Variants in CXCL13 observed in about 807,000 individuals in gnomAD.
CXCL13 encodes the protein C-X-C motif chemokine ligand 13, also known as C-X-C motif chemokine 13.
In CXCL13, 7 loss-of-function variants were observed where a neutral mutation model predicts 12.2. The ratio of observed to expected loss-of-function variants is 0.57; its 90% CI spans 0.33 to 1.07. The LOEUF is 1.07. CXCL13 is among the 50% of genes least tolerant of loss of function. CXCL13 has a pLI of 0.04. For synonymous variants in CXCL13, 47 were observed against 42.4 expected (o/e 1.11, Z -0.42); for missense variants, 113 against 127.4 (o/e 0.89, Z 0.55).
rs1425640637 is a variant in CXCL13 at position 77,562,197 on chromosome 4, C to A, written c.-42-43627C>A. ...CCACCCCCCCATCACTGCAGCCCCCCGCCCCGCCTACAGCCACCCCAACCC... is the reference window on the plus strand; with the variant it reads ...CCACCCCCCCATCACTGCAGCCCCCAGCCCCGCCTACAGCCACCCCAACCC... On this transcript the variant is annotated intron_variant, in intron 1 of 4. Transcript: ENST00000286758. Among the ~76,000 whole-genome samples the A allele has an allele frequency of 1.6e-4, 23 of 146,204 alleles. No individual in the cohort carries two copies. In the East Asian group the frequency reaches 4.5e-3, roughly 28 times the overall value.
chr4:77,527,353 C>G (rs969978940), intron 1 of CXCL13, among the ~76,000 whole-genome samples: 2 of 152,150 alleles, frequency 1.3e-5, no homozygotes, highest in Admixed American at 1.3e-4. Context: ...AAACATGCAA[C>G]TGGGCACAGT....
intron 1 of CXCL13, among the ~76,000 whole-genome samples, chr4:77,598,039 A>G (rs981611345): frequency 6.6e-6 from 1 of 152,238 alleles, no homozygotes; most frequent in Non-Finnish European, 1.5e-5. Context: ...AAAGGGAACC[A>G]TTGAGTCAGC....
chr4:77,610,809 G>A (rs1727127953), intron 3 of CXCL13, 115 bp downstream of exon 3: 2 of 960,778 alleles, frequency 2.1e-6, no homozygotes, highest in African/African-American at 1.6e-5. Flanking sequence ...TAAGACAAAT[G>A]TGTGTTTTTC....
At chr4:77,513,681 T>G (rs1724328927) in intron 1 of CXCL13, among the ~76,000 whole-genome samples, 1 of 152,122 alleles carries the variant, frequency 6.6e-6, no homozygotes, top group Admixed American at 6.5e-5. Context: ...CTCCATCTCC[T>G]GACCTTGTGA....
intron 1 of CXCL13, among the ~76,000 whole-genome samples, chr4:77,572,003 C>T (rs2109819381): frequency 6.6e-6 from 1 of 151,906 alleles, no homozygotes; most frequent in South Asian, 2.1e-4. Flanking sequence ...ACGAACCCAC[C>T]AGAAGAAAGA....
Position 77,610,612 on chromosome 4 carries a change from A to G in CXCL13, c.198-2A>G. On this transcript the variant is annotated splice_acceptor_variant, in intron 2 of 3. Transcript: ENST00000682537. LOFTEE classifies it high-confidence loss of function. ...AATTATTTAATTTTTATTTTCCCCC[A>G]GAGTCTGGAAGAAGAACAAGTCAAT... is the stretch of plus-strand genomic sequence containing the variant. The G allele has an allele frequency of 1.2e-6, 2 of 1,605,326 alleles. No individual in the cohort carries two copies. The highest frequency in any genetic ancestry group is 1.7e-6 in the Non-Finnish European group (2 of 1,172,042).
intron 1 of CXCL13, among the ~76,000 whole-genome samples, chr4:77,522,299 T>C (rs948648291): frequency 6.6e-6 from 1 of 152,002 alleles, no homozygotes; most frequent in African/African-American, 2.4e-5. Context: ...AAGTCTTCCA[T>C]CATTATTTTG....
intron 1 of CXCL13, among the ~76,000 whole-genome samples, chr4:77,554,210 G>A (rs916865295): frequency 2.6e-5 from 4 of 151,998 alleles, no homozygotes; most frequent in Non-Finnish European, 4.4e-5. Context: ...GCCAATGCAT[G>A]AGTAGTGAGA....
chr4:77,513,034 T>G (rs1400869407), intron 1 of CXCL13, among the ~76,000 whole-genome samples: 1 of 152,108 alleles, frequency 6.6e-6, no homozygotes, highest in East Asian at 1.9e-4. Context: ...TGGTGTTTGG[T>G]TTTCTGTCCT....
rs182907727 is a variant in CXCL13 at position 77,573,998 on chromosome 4, T to C, written c.-42-31826T>C. ...GGCTTATTGGCTTCAATTAGAAAAATATCTTTGAGGAAAACAAAGGGCTTG... is the reference window on the plus strand; with the variant it reads ...GGCTTATTGGCTTCAATTAGAAAAACATCTTTGAGGAAAACAAAGGGCTTG... On this transcript the variant is annotated intron_variant, in intron 1 of 4. Coordinates refer to the CXCL13 transcript ENST00000286758. Among the ~76,000 whole-genome samples, 372 of 152,002 alleles carry C rather than the reference T, an allele frequency of 2.4e-3. 12 individuals carry two copies. Among genetic ancestry groups the C allele is most frequent in the African/African-American group, 8.3e-3 (342 of 41,302 alleles).
At position 77,559,588 on chromosome 4, in the gene CXCL13, G is replaced by T. The variant is rs13147059; in HGVS notation, c.-42-46236G>T. On this transcript the variant is annotated intron_variant, in intron 1 of 4. Transcript: ENST00000286758. ...TTTCTTCCATTCAAGGACTAAATATGCCGTGTGTGTGTGTGTGTGTGTGAT... is the reference window on the plus strand; with the variant it reads ...TTTCTTCCATTCAAGGACTAAATATTCCGTGTGTGTGTGTGTGTGTGTGAT... Among the ~76,000 whole-genome samples the T allele has an allele frequency of 2.3e-4, 34 of 148,416 alleles. 1 individual carries two copies. The South Asian group carries it at 6.5e-3, about 28-fold the overall frequency.
chr4:77,518,006 G>A (rs1162127031), intron 1 of CXCL13, among the ~76,000 whole-genome samples: 4 of 151,104 alleles, frequency 2.6e-5, no homozygotes, highest in Non-Finnish European at 5.9e-5. Context: ...AGGCCTGGTG[G>A]TGACATTTGC....
At chr4:77,574,820 A>C (rs1726168106) in intron 1 of CXCL13, among the ~76,000 whole-genome samples, 2 of 151,950 alleles carry the variant, frequency 1.3e-5, no homozygotes, top group African/African-American at 4.9e-5. Flanking sequence ...AAGAAGAATA[A>C]GTGCTTGGAT....
chr4:77,599,188 C>G (rs1726837890), intron 1 of CXCL13, among the ~76,000 whole-genome samples: 1 of 152,156 alleles, frequency 6.6e-6, no homozygotes. Context: ...TTAACAATAT[C>G]TAGGTACTGC....
intron 1 of CXCL13, among the ~76,000 whole-genome samples, chr4:77,571,704 A>C (rs950053919): frequency 1.3e-5 from 2 of 151,798 alleles, no homozygotes; most frequent in East Asian, 3.8e-4. Context: ...CAGATAAGAG[A>C]ATAAAAGCAG....
At chr4:77,583,477 T>A (rs531088739) in intron 1 of CXCL13, among the ~76,000 whole-genome samples, 1 of 152,322 alleles carries the variant, frequency 6.6e-6, no homozygotes, top group Admixed American at 6.5e-5. Context: ...GAGTAAGGGT[T>A]GGAGAACAAT....
chr4:77,540,125 A>G (rs1725164165), intron 1 of CXCL13, among the ~76,000 whole-genome samples: 1 of 152,184 alleles, frequency 6.6e-6, no homozygotes, highest in Non-Finnish European at 1.5e-5. Flanking sequence ...TGTTAACTTT[A>G]TGTAATTTAT....
chr4:77,521,383 T>C (rs1335192076), intron 1 of CXCL13, among the ~76,000 whole-genome samples: 1 of 152,180 alleles, frequency 6.6e-6, no homozygotes, highest in East Asian at 1.9e-4. Context: ...AATTATTGCC[T>C]CAATTTCAGA....
At chr4:77,552,177 G>T (rs577269746) in intron 1 of CXCL13, among the ~76,000 whole-genome samples, 7 of 152,172 alleles carry the variant, frequency 4.6e-5, no homozygotes, top group Non-Finnish European at 8.8e-5. Context: ...CAGAATTCTT[G>T]TGTCAGTTCC....
Sources: gnomAD v4.1 joint callset for allele counts (sites outside exome capture counted in the v4.1 genomes callset) on GRCh38, gnomAD v4.1.1 for gene constraint, MANE v1.5 for transcripts, NCBI Gene and HGNC (gene_info 2026-07-23, HGNC 2026-07-21) for gene names.